Variants in PIK3C3 observed in about 807,000 individuals in gnomAD.
The protein encoded by PIK3C3 is PI3-kinase type 3.
Under a neutral mutation model 126.1 loss-of-function variants are expected in PIK3C3, and 95 were observed. The ratio of observed to expected loss-of-function variants is 0.75; its 90% CI spans 0.64 to 0.89. PIK3C3 has a LOEUF of 0.89. Among genes scored for constraint, PIK3C3 ranks in the 40% least tolerant of loss-of-function variants. The pLI, the probability that PIK3C3 is intolerant of heterozygous loss-of-function variation, is 0.00. For missense variants in PIK3C3, 829 were observed against 1,063.2 expected (o/e 0.78, Z 3.06); for synonymous variants, 374 against 360.0 (o/e 1.04, Z -0.44).
intron 4 of PIK3C3, among the ~76,000 whole-genome samples, chr18:41,980,227 A>G (rs994324197): frequency 2.6e-5 from 4 of 152,166 alleles, no homozygotes; most frequent in Non-Finnish European, 5.9e-5. Flanking sequence ...TATTCTTTGT[A>G]AGAAATATCT....
At chr18:41,988,473 C>A (rs1410920401) in intron 5 of PIK3C3, among the ~76,000 whole-genome samples, 1 of 152,000 alleles carries the variant, frequency 6.6e-6, no homozygotes, top group East Asian at 1.9e-4. Flanking sequence ...TATATTTGCT[C>A]TAAAATGCCA....
At chr18:41,965,700 T>G (rs1453063615) in intron 3 of PIK3C3, among the ~76,000 whole-genome samples, 2 of 152,158 alleles carry the variant, frequency 1.3e-5, no homozygotes, top group African/African-American at 4.8e-5. Context: ...TACACGTGCA[T>G]TCATGCGTTC....
intron 22 of PIK3C3, among the ~76,000 whole-genome samples, chr18:42,063,475 G>A (rs2144514666): frequency 6.6e-6 from 1 of 152,266 alleles, no homozygotes; most frequent in South Asian, 2.1e-4. Flanking sequence ...TTTAAAGCTA[G>A]GTTAAAGCTG....
intron 12 of PIK3C3, among the ~76,000 whole-genome samples, chr18:42,019,323 C>T (rs1305053236): frequency 6.6e-6 from 1 of 152,122 alleles, no homozygotes; most frequent in Non-Finnish European, 1.5e-5. Flanking sequence ...TCTTACTTCT[C>T]TTCTCAAAGG....
intron 24 of PIK3C3, among the ~76,000 whole-genome samples, chr18:42,076,161 TGCAC>T (rs1238486107): frequency 3.7e-4 from 36 of 96,914 alleles, no homozygotes; most frequent in Admixed American, 8.0e-4. Context: ...TATATATATA[TGCAC>T]ATATATATAT....
chr18:42,078,660 TAGA>T (rs1279503969), intron 24 of PIK3C3, among the ~76,000 whole-genome samples: 3 of 152,204 alleles, frequency 2.0e-5, no homozygotes, highest in Admixed American at 6.5e-5. Flanking sequence ...TCTTATTCAT[TAGA>T]AGCCTGTTTC....
intron 16 of PIK3C3, among the ~76,000 whole-genome samples, chr18:42,035,643 G>C (rs1484269733): frequency 1.3e-5 from 2 of 152,094 alleles, no homozygotes; most frequent in Non-Finnish European, 2.9e-5. Flanking sequence ...GTTATATAGA[G>C]TGTCTCTGTG....
intron 9 of PIK3C3, among the ~76,000 whole-genome samples, chr18:42,003,911 C>T (rs936812706): frequency 6.6e-6 from 1 of 152,062 alleles, no homozygotes. Context: ...GGGAGGTGAT[C>T]GAGAGTGAGG....
intron 19 of PIK3C3, among the ~76,000 whole-genome samples, chr18:42,041,785 T>C (rs1369491616): frequency 1.3e-5 from 2 of 152,176 alleles, no homozygotes; most frequent in Admixed American, 6.5e-5. Context: ...AGCAAGTGCT[T>C]ATTCTGTTCT....
At chr18:42,024,674 A>G (rs1983475044) in intron 13 of PIK3C3, among the ~76,000 whole-genome samples, 2 of 151,906 alleles carry the variant, frequency 1.3e-5, no homozygotes, top group South Asian at 2.1e-4. Context: ...ACCTCAAGTG[A>G]TTCACCCGCC....
At chr18:41,988,138 G>C (rs576118670) in intron 5 of PIK3C3, among the ~76,000 whole-genome samples, 12,272 of 152,134 alleles carry the variant, frequency 0.081, 1,621 homozygotes, top group African/African-American at 0.28. Context: ...AATATCATAT[G>C]AGTGAAGCCT....
intron 24 of PIK3C3, among the ~76,000 whole-genome samples, chr18:42,075,590 A>G (rs1251646327): frequency 6.6e-6 from 1 of 151,960 alleles, no homozygotes; most frequent in Non-Finnish European, 1.5e-5. Context: ...ATGTATTTAC[A>G]GATGAGAAAA....
intron 24 of PIK3C3, among the ~76,000 whole-genome samples, chr18:42,073,691 G>T (rs1358146475): frequency 6.6e-6 from 1 of 151,198 alleles, no homozygotes; most frequent in African/African-American, 2.4e-5. Context: ...TGTCTCTTAT[G>T]TGCTGCCTCC....
Position 42,086,322 on chromosome 18 carries a change from G to C in PIK3C3, c.*5185G>C, listed in dbSNP as rs117659144. ...CCCTGGTCTTACCCACATACAGCTC[G>C]GTACAACTGCATTTCCCCAAACCTC... On this transcript the variant is annotated 3_prime_UTR_variant, in exon 25 of 25. Coordinates refer to ENST00000262039, the MANE Select transcript of PIK3C3 (RefSeq NM_002647.4). The C allele has an allele frequency of 7.7e-3, 1,168 of 152,198 alleles. 7 individuals carry two copies. The highest frequency in any genetic ancestry group is 0.041 in the Middle Eastern group (12 of 296). The allele number at this position is 152,198 out of a possible 1,614,324, so 9.4% of individuals were successfully genotyped here.
In PIK3C3 at chr18:42,031,746, A is replaced by C. The variant is rs142274846; in HGVS notation, c.1708-2080A>C. Among the ~76,000 whole-genome samples, 6 of 152,340 alleles carry C rather than the reference A, an allele frequency of 3.9e-5. No individual in the cohort carries two copies. In the South Asian group the frequency reaches 1.2e-3, roughly 32 times the overall value. On this transcript the variant is annotated intron_variant, in intron 15 of 24. Transcript: ENST00000262039. ...TTTCCATCTATATTTAAAATAAATT[A>C]ACACTTTCACTGTTAATATTATAAG...
At chr18:41,993,481 A>T in intron 7 of PIK3C3, 140 bp downstream of exon 7, 1 of 603,084 alleles carries the variant, frequency 1.7e-6, no homozygotes. Context: ...TCACTTTAGC[A>T]TCTAGGCACT....
chr18:42,075,744 A>G (rs1433864155), intron 24 of PIK3C3, among the ~76,000 whole-genome samples: 3 of 149,640 alleles, frequency 2.0e-5, no homozygotes, highest in Admixed American at 6.7e-5. Flanking sequence ...ATGTTTATAT[A>G]TAAGATATTT....
intron 21 of PIK3C3, among the ~76,000 whole-genome samples, chr18:42,055,499 G>A (rs1049432826): frequency 6.6e-6 from 1 of 152,034 alleles, no homozygotes; most frequent in African/African-American, 2.4e-5. Flanking sequence ...GTATTTCTAG[G>A]TTTAGTGATA....
chr18:42,056,331 A>C (rs1373312080), intron 21 of PIK3C3, among the ~76,000 whole-genome samples: 1 of 152,144 alleles, frequency 6.6e-6, no homozygotes, highest in African/African-American at 2.4e-5. Context: ...TCTGACAAGA[A>C]GGATAGAAAT....
Sources: allele counts gnomAD v4.1 joint callset (sites outside exome capture counted in the v4.1 genomes callset), GRCh38; gene constraint gnomAD v4.1.1; transcripts MANE v1.5; gene names NCBI Gene and HGNC (gene_info 2026-07-23, HGNC 2026-07-21).